The following CDH13 variants were observed in gnomAD, a reference collection of about 807,000 sequenced individuals.
CDH13 encodes cadherin 13, also known as cadherin-13.
In CDH13, 24 loss-of-function variants were observed where a neutral mutation model predicts 63.8. The observed-to-expected ratio is 0.38, with a 90% confidence interval of 0.27 to 0.53. The LOEUF (loss-of-function observed/expected upper bound fraction) is 0.53, where lower values mean the gene tolerates loss of function less well. Ranked by LOEUF, CDH13 falls within the 20% of genes least tolerant of loss-of-function variation. The probability of loss-of-function intolerance (pLI) is 0.85; values close to 1 mark genes in which losing one functional copy is unlikely to be tolerated. For synonymous variants in CDH13, 503 were observed against 355.3 expected (o/e 1.42, Z -4.67); for missense variants, 1,049 against 903.1 (o/e 1.16, Z -2.07).
intron 7 of CDH13, among the ~76,000 whole-genome samples, chr16:83,519,780 A>G (rs908939319): frequency 1.3e-5 from 2 of 152,188 alleles, no homozygotes; most frequent in African/African-American, 4.8e-5. Context: ...CAAAGGTACA[A>G]TCCTCCCAGT....
intron 1 of CDH13, chr16:82,825,720 T>C (rs797005809): frequency 7.2e-5 from 11 of 151,846 alleles, no homozygotes; most frequent in African/African-American, 2.7e-4. Flanking sequence ...TAATTTTTTG[T>C]GTTATTAGTA....
intron 2 of CDH13, among the ~76,000 whole-genome samples, chr16:82,903,263 A>G (rs974432737): frequency 2.0e-5 from 3 of 152,228 alleles, no homozygotes; most frequent in Non-Finnish European, 4.4e-5. Context: ...CACCTTGGTT[A>G]GGTTGAGTTT....
intron 8 of CDH13, among the ~76,000 whole-genome samples, chr16:83,607,985 A>G (rs1908502824): frequency 6.6e-6 from 1 of 152,200 alleles, no homozygotes; most frequent in Non-Finnish European, 1.5e-5. Context: ...TGAATAAGTC[A>G]TATTTTCACA....
intron 5 of CDH13, among the ~76,000 whole-genome samples, chr16:83,229,518 T>G (rs2039943098): frequency 6.6e-6 from 1 of 152,092 alleles, no homozygotes; most frequent in Non-Finnish European, 1.5e-5. Flanking sequence ...CTACGGGGGT[T>G]TATCAGTGGG....
chr16:83,365,791 T>C (rs2091247693), intron 6 of CDH13, among the ~76,000 whole-genome samples: 1 of 152,184 alleles, frequency 6.6e-6, no homozygotes, highest in African/African-American at 2.4e-5. Flanking sequence ...TCTGAGATCC[T>C]GAGGATTCAA....
intron 3 of CDH13, among the ~76,000 whole-genome samples, chr16:83,054,774 G>T (rs763198023): frequency 6.6e-6 from 1 of 152,018 alleles, no homozygotes; most frequent in East Asian, 1.9e-4. Flanking sequence ...CTACATAGCT[G>T]ATATAACAAG....
At chr16:83,649,498 A>G (rs886970877) in intron 8 of CDH13, among the ~76,000 whole-genome samples, 2 of 152,112 alleles carry the variant, frequency 1.3e-5, no homozygotes, top group Admixed American at 1.3e-4. Flanking sequence ...TTGTTTTCTA[A>G]TTGGAGAGTC....
chr16:83,246,420 C>T (rs983627069), intron 5 of CDH13, among the ~76,000 whole-genome samples: 5 of 152,108 alleles, frequency 3.3e-5, no homozygotes, highest in African/African-American at 1.2e-4. Flanking sequence ...CATCAGAAGC[C>T]TCATTTTGAT....
At chr16:83,244,506 C>G (rs904143807) in intron 5 of CDH13, among the ~76,000 whole-genome samples, 11 of 152,130 alleles carry the variant, frequency 7.2e-5, no homozygotes, top group African/African-American at 2.7e-4. Flanking sequence ...TAAGTCTGTG[C>G]CACTGATCAG....
chr16:82,702,057 C>G (rs57353982), intron 1 of CDH13, among the ~76,000 whole-genome samples: 5 of 152,130 alleles, frequency 3.3e-5, no homozygotes, highest in African/African-American at 1.2e-4. Context: ...ATCCAACTCA[C>G]CTTTCCCACT....
In CDH13 at chr16:83,477,908, G is replaced by A. The variant is rs147803219; in HGVS notation, c.782-8569G>A. The stretch of plus-strand genomic sequence containing the variant: ...TTAAAAAATCAAAAGATGGCTGGAC[G>A]CGGTGGCTCATACCTGTAATCCCAG... On this transcript the variant is annotated intron_variant, in intron 6 of 13. Transcript: ENST00000567109. Among the ~76,000 whole-genome samples the A allele has an allele frequency of 4.9e-3, 751 of 152,168 alleles. 9 individuals are homozygous for A. The highest frequency in any genetic ancestry group is 0.016 in the African/African-American group (665 of 41,500).
chr16:83,514,417 G>T (rs2074650864), intron 7 of CDH13, among the ~76,000 whole-genome samples: 1 of 152,226 alleles, frequency 6.6e-6, no homozygotes, highest in Admixed American at 6.5e-5. Flanking sequence ...GCCAAGGCAG[G>T]TGGATCACCT....
intron 3 of CDH13, among the ~76,000 whole-genome samples, chr16:83,038,718 C>T (rs1234922773): frequency 6.6e-6 from 1 of 152,214 alleles, no homozygotes; most frequent in Non-Finnish European, 1.5e-5. Flanking sequence ...CACAGAAAAG[C>T]TCCATGCTTC....
chr16:82,900,700 G>A (rs2041436801), intron 2 of CDH13, among the ~76,000 whole-genome samples: 1 of 152,202 alleles, frequency 6.6e-6, no homozygotes, highest in Non-Finnish European at 1.5e-5. Context: ...GAAATCAAGA[G>A]TATAGGTCAA....
At chr16:82,627,967 C>T (rs1907547668) in intron 1 of CDH13, among the ~76,000 whole-genome samples, 1 of 152,250 alleles carries the variant, frequency 6.6e-6, no homozygotes, top group South Asian at 2.1e-4. Flanking sequence ...GCTTGTTAAC[C>T]CTCAGAGCGC....
intron 5 of CDH13, among the ~76,000 whole-genome samples, chr16:83,287,231 C>A (rs2089340462): frequency 6.6e-6 from 1 of 152,188 alleles, no homozygotes; most frequent in South Asian, 2.1e-4. Flanking sequence ...ACTGGCAGAA[C>A]CCAGACTGGG....
chr16:83,115,646 C>A (rs917855318), intron 3 of CDH13, among the ~76,000 whole-genome samples: 5 of 152,210 alleles, frequency 3.3e-5, no homozygotes, highest in Admixed American at 2.0e-4. Context: ...GCATGAGTCT[C>A]ACCTTTCACT....
chr16:83,187,961 C>G (rs909582478), intron 4 of CDH13, among the ~76,000 whole-genome samples: 1 of 152,100 alleles, frequency 6.6e-6, no homozygotes, highest in Non-Finnish European at 1.5e-5. Context: ...ATAAAAGGAA[C>G]TATGAGTGCA....
intron 2 of CDH13, among the ~76,000 whole-genome samples, chr16:82,921,774 G>C (rs998353864): frequency 3.3e-5 from 5 of 152,100 alleles, no homozygotes; most frequent in African/African-American, 1.2e-4. Flanking sequence ...AATGAGTTGG[G>C]AAGTGTTCTC....
Sources: gnomAD v4.1 joint callset for allele counts (sites outside exome capture counted in the v4.1 genomes callset) on GRCh38, gnomAD v4.1.1 for gene constraint, MANE v1.5 for transcripts, NCBI Gene and HGNC (gene_info 2026-07-23, HGNC 2026-07-21) for gene names.